The following CAP2 variants were observed in gnomAD, a reference collection of about 807,000 sequenced individuals.
The protein encoded by CAP2 is cyclase associated actin cytoskeleton regulatory protein 2.
Under a neutral mutation model 57.7 loss-of-function variants are expected in CAP2, and 24 were observed. That is an observed-to-expected ratio of 0.42 (90% CI 0.30 to 0.58). The LOEUF (loss-of-function observed/expected upper bound fraction) is 0.58. Ranked by LOEUF, CAP2 falls within the 20% of genes least tolerant of loss-of-function variation. The pLI, the probability that CAP2 is intolerant of heterozygous loss-of-function variation, is 0.22. For missense variants in CAP2, 501 were observed against 590.3 expected (o/e 0.85, Z 1.57); for synonymous variants, 194 against 207.2 (o/e 0.94, Z 0.55).
Position 17,500,927 on chromosome 6 carries a change from T to A in CAP2, c.301-6242T>A, listed in dbSNP as rs185494770. 3.0e-3 allele frequency among the ~76,000 whole-genome samples: 455 copies of A among 152,270 alleles called. 2 individuals are homozygous for A. The highest frequency in any genetic ancestry group is 4.7e-3 in the Non-Finnish European group (318 of 68,016). On this transcript the variant is annotated intron_variant, in intron 4 of 12. Transcript: ENST00000229922. ...AAAAACACATAAGCCAAAGTAATAA[T>A]GATTAATATTTGGTAGTGTGGTTTA...
At chr6:17,479,219 G>A (rs980426566) in intron 4 of CAP2, among the ~76,000 whole-genome samples, 22 of 152,226 alleles carry the variant, frequency 1.4e-4, no homozygotes, top group African/African-American at 5.3e-4. Flanking sequence ...GTACGTGTGT[G>A]TACACACACG....
intron 4 of CAP2, among the ~76,000 whole-genome samples, chr6:17,482,975 G>A (rs989528250): frequency 2.6e-5 from 4 of 152,228 alleles, no homozygotes; most frequent in Non-Finnish European, 5.9e-5. Flanking sequence ...GTTGTTTAGC[G>A]TGTCCTGGCT....
Position 17,557,771 on chromosome 6 carries a change from ATTGT to A in CAP2, c.*1332_*1335del, listed in dbSNP as rs1763348563. On this transcript the variant is annotated 3_prime_UTR_variant, in exon 13 of 13. Coordinates refer to ENST00000229922, the MANE Select transcript of CAP2 (RefSeq NM_006366.3). The stretch of plus-strand genomic sequence containing the variant: ...TATTCTGAAATAAAGTAAAATTCTA[ATTGT>A]TTAAATACTGTGATGAATTCTGGAT... 1.3e-5 allele frequency: 2 copies of A among 152,326 alleles called. No homozygotes were observed. The highest frequency in any genetic ancestry group is 3.9e-4 in the East Asian group (2 of 5,192). The allele number at this position is 152,326 out of a possible 1,614,324, so 9.4% of individuals were successfully genotyped here. A position where few individuals can be genotyped will look rare whatever the true frequency, so the allele number is the denominator to read the frequency against.
intron 1 of CAP2, among the ~76,000 whole-genome samples, chr6:17,405,766 G>A (rs542583276): frequency 3.6e-4 from 54 of 151,822 alleles, no homozygotes; most frequent in African/African-American, 1.2e-3. Flanking sequence ...TTTGAAACAG[G>A]GTCTCACTCT....
chr6:17,516,654 G>A (rs1192993772), intron 7 of CAP2, among the ~76,000 whole-genome samples: 2 of 152,208 alleles, frequency 1.3e-5, no homozygotes, highest in Admixed American at 6.5e-5. Context: ...GAATGAAACA[G>A]CTTCTTTGTG....
intron 4 of CAP2, among the ~76,000 whole-genome samples, chr6:17,501,849 A>G (rs542189012): frequency 1.3e-5 from 2 of 152,322 alleles, no homozygotes; most frequent in Non-Finnish European, 2.9e-5. Flanking sequence ...TCCAGCTAAG[A>G]TAACCCTTGG....
chr6:17,434,231 C>CTTTTT, intron 3 of CAP2, among the ~76,000 whole-genome samples: 1 of 137,158 alleles, frequency 7.3e-6, no homozygotes, highest in African/African-American at 3.1e-5. Context: ...CTCTTTTTTT[C>CTTTTT]TTTCTTTTTT....
chr6:17,397,728 C>T (rs560064346), intron 1 of CAP2, among the ~76,000 whole-genome samples: 9 of 149,620 alleles, frequency 6.0e-5, no homozygotes, highest in African/African-American at 1.7e-4. Context: ...GAATTACCCA[C>T]GTTGTTGCAT....
intron 9 of CAP2, 41 bp downstream of exon 9, chr6:17,541,189 C>T (rs1321116333): frequency 6.7e-7 from 1 of 1,495,108 alleles, no homozygotes; most frequent in Non-Finnish European, 9.2e-7. Context: ...TGACATGCGC[C>T]AATGAAAGGA....
chr6:17,456,348 T>C (rs2113586755), intron 3 of CAP2, among the ~76,000 whole-genome samples: 1 of 152,356 alleles, frequency 6.6e-6, no homozygotes, highest in Admixed American at 6.5e-5. Flanking sequence ...TATGTTCATG[T>C]TTACAAAATC....
chr6:17,496,879 A>C (rs1290689135), intron 4 of CAP2, among the ~76,000 whole-genome samples: 4 of 152,204 alleles, frequency 2.6e-5, no homozygotes, highest in Non-Finnish European at 4.4e-5. Context: ...TCTCAGAGAA[A>C]AGATCTGGCC....
Position 17,421,691 on chromosome 6 carries a change from T to C in CAP2, c.121+15T>C. The stretch of plus-strand genomic sequence containing the variant: ...TGTCATTGCAGGTAGGGTCACAAAC[T>C]GTTGTCATTCCTGGTCTTCTTGTGG... On this transcript the variant is annotated intron_variant, in intron 2 of 12. Coordinates refer to ENST00000229922, the MANE Select transcript of CAP2 (RefSeq NM_006366.3). The C allele has an allele frequency of 6.2e-7, 1 of 1,614,002 alleles. No homozygotes were observed. Among genetic ancestry groups the C allele is most frequent in the South Asian group, 1.1e-5 (1 of 91,074 alleles).
At chr6:17,553,632 C>CAAA (rs1190269006) in intron 12 of CAP2, among the ~76,000 whole-genome samples, 2 of 104,040 alleles carry the variant, frequency 1.9e-5, no homozygotes, top group African/African-American at 3.5e-5. Flanking sequence ...GACTCCATCT[C>CAAA]AAAAAAAAAA....
At position 17,468,335 on chromosome 6, in the gene CAP2, T is replaced by C. The variant is rs569203910; in HGVS notation, c.300+5262T>C. Reference sequence around the variant, plus strand: ...TCTTGCATTCTCTAATACTAGGACATTTCAACATTTCAGCCTTGACCCACA... The same window carrying C: ...TCTTGCATTCTCTAATACTAGGACACTTCAACATTTCAGCCTTGACCCACA... On this transcript the variant is annotated intron_variant, in intron 4 of 12. Coordinates refer to ENST00000229922, the MANE Select transcript of CAP2 (RefSeq NM_006366.3). Among the ~76,000 whole-genome samples the C allele has an allele frequency of 2.6e-5, 4 of 152,364 alleles. No individual in the cohort carries two copies. In the East Asian group the frequency reaches 5.8e-4, roughly 22 times the overall value.
At chr6:17,554,770 T>C (rs929978713) in intron 12 of CAP2, among the ~76,000 whole-genome samples, 7 of 152,228 alleles carry the variant, frequency 4.6e-5, no homozygotes, top group African/African-American at 1.7e-4. Context: ...CTCCTTGCCT[T>C]AGAGAGGTTT....
At chr6:17,484,040 T>C (rs1761360981) in intron 4 of CAP2, among the ~76,000 whole-genome samples, 1 of 151,992 alleles carries the variant, frequency 6.6e-6, no homozygotes, top group East Asian at 1.9e-4. Flanking sequence ...CAAGCTTATG[T>C]CCTTGGTCTG....
intron 1 of CAP2, among the ~76,000 whole-genome samples, chr6:17,401,006 G>C (rs1758796417): frequency 6.6e-6 from 1 of 152,186 alleles, no homozygotes; most frequent in African/African-American, 2.4e-5. Context: ...GCTTCCAAGT[G>C]TTGCATGTAT....
intron 4 of CAP2, among the ~76,000 whole-genome samples, chr6:17,466,365 TC>T (rs1347035093): frequency 7.9e-5 from 12 of 152,092 alleles, no homozygotes; most frequent in Admixed American, 7.9e-4. Flanking sequence ...AGCTTCCAAT[TC>T]AGTAGGTCTT....
chr6:17,414,043 G>C (rs1376950505), intron 1 of CAP2, among the ~76,000 whole-genome samples: 3 of 144,794 alleles, frequency 2.1e-5, no homozygotes, highest in African/African-American at 5.5e-5. Context: ...GACAGAGTGA[G>C]ACTCTGTCTC....
Sources: allele counts gnomAD v4.1 joint callset (sites outside exome capture counted in the v4.1 genomes callset), GRCh38; gene constraint gnomAD v4.1.1; transcripts MANE v1.5; gene names NCBI Gene and HGNC (gene_info 2026-07-23, HGNC 2026-07-21).